Variants in BIN2 observed in about 807,000 individuals in gnomAD.
The protein encoded by BIN2 is breast cancer associated protein BRAP1.
Under a neutral mutation model 67.9 loss-of-function variants are expected in BIN2, and 43 were observed. The ratio of observed to expected loss-of-function variants is 0.63; its 90% CI spans 0.50 to 0.82. The LOEUF (loss-of-function observed/expected upper bound fraction) is 0.82, where lower values mean the gene tolerates loss of function less well. Among genes scored for constraint, BIN2 ranks in the 40% least tolerant of loss-of-function variants. The pLI, the probability that BIN2 is intolerant of heterozygous loss-of-function variation, is 0.00. For missense variants in BIN2, 581 were observed against 671.6 expected, an observed-to-expected ratio of 0.87 and a Z score of 1.49; for synonymous variants, 244 against 246.8, an observed-to-expected ratio of 0.99 and a Z score of 0.11.
chr12:51,287,076 C>T (rs763486447), intron 11 of BIN2, among the ~76,000 whole-genome samples: 1 of 152,048 alleles, frequency 6.6e-6, no homozygotes, highest in Non-Finnish European at 1.5e-5. Context: ...CCTGCCTCAG[C>T]CCCCAACAAA....
At chr12:51,282,757 C>T (rs568109153) in intron 12 of BIN2, among the ~76,000 whole-genome samples, 1 of 151,870 alleles carries the variant, frequency 6.6e-6, no homozygotes, top group Non-Finnish European at 1.5e-5. Context: ...GTGCGTGCCA[C>T]CATGCCCGGC....
chr12:51,293,319 AT>A (rs1204397864), intron 9 of BIN2, among the ~76,000 whole-genome samples: 7 of 150,588 alleles, frequency 4.6e-5, no homozygotes, highest in African/African-American at 7.3e-5. Flanking sequence ...TTATTTTTTT[AT>A]TTTTTTTGAG....
intron 1 of BIN2, among the ~76,000 whole-genome samples, chr12:51,315,522 T>C (rs1430132388): frequency 6.6e-6 from 1 of 152,188 alleles, no homozygotes; most frequent in African/African-American, 2.4e-5. Context: ...AAAAGCATTA[T>C]ATTAAAACAA....
intron 1 of BIN2, among the ~76,000 whole-genome samples, chr12:51,314,363 C>T (rs1946071739): frequency 6.6e-6 from 1 of 151,962 alleles, no homozygotes; most frequent in South Asian, 2.1e-4. Context: ...GGGCTGTACT[C>T]TTACTGGACC....
At chr12:51,300,580 A>C (rs979763000) in intron 5 of BIN2, among the ~76,000 whole-genome samples, 3 of 152,232 alleles carry the variant, frequency 2.0e-5, no homozygotes, top group Admixed American at 6.5e-5. Flanking sequence ...TAAAAGCTAT[A>C]AATTACTATG....
Position 51,282,839 on chromosome 12 carries a change from A to G in BIN2, c.1669-1311T>C, listed in dbSNP as rs146848326. Among the ~76,000 whole-genome samples, 1,242 of 151,978 alleles carry G rather than the reference A, an allele frequency of 8.2e-3. 33 individuals carry two copies. In the East Asian group the frequency reaches 0.1, roughly 12 times the overall value. On this transcript the variant is annotated intron_variant, in intron 12 of 12. Transcript: ENST00000615107. The stretch of plus-strand genomic sequence containing the variant: ...GGCTGGTCTTGAACTCCTGGTCTCA[A>G]GTGATCTGCCTGCCTCAGCCTCCCA...
intron 9 of BIN2, among the ~76,000 whole-genome samples, chr12:51,294,596 A>C (rs1336623295): frequency 5.9e-5 from 9 of 151,930 alleles, no homozygotes; most frequent in African/African-American, 2.2e-4. Flanking sequence ...AAAACCCCCC[A>C]AAAACATGCA....
In BIN2 at chr12:51,281,167, T is replaced by C. The variant is rs143620270; in HGVS notation, c.*332A>G. Reference sequence around the variant, plus strand: ...GAGTGTGTGTGGTTATGTCTCTGTATAGGCAAGTGTCTGTGTCTATAGATA... The same window carrying C: ...GAGTGTGTGTGGTTATGTCTCTGTACAGGCAAGTGTCTGTGTCTATAGATA... On this transcript the variant is annotated 3_prime_UTR_variant, in exon 13 of 13. Transcript: ENST00000615107. 1.3e-3 allele frequency: 416 copies of C among 316,196 alleles called. No homozygotes were observed. Among genetic ancestry groups the C allele is most frequent in the African/African-American group, 8.3e-3 (404 of 48,566 alleles). The allele number at this position is 316,196 out of a possible 1,614,324, so 19.6% of individuals were successfully genotyped here.
chr12:51,305,991 C>T (rs1945857910), intron 2 of BIN2, among the ~76,000 whole-genome samples: 2 of 151,694 alleles, frequency 1.3e-5, no homozygotes, highest in Admixed American at 1.3e-4. Flanking sequence ...TGTGTGCCAC[C>T]ACGCCTGGCT....
At chr12:51,293,370 C>A (rs1161020590) in intron 9 of BIN2, among the ~76,000 whole-genome samples, 1 of 152,082 alleles carries the variant, frequency 6.6e-6, no homozygotes, top group African/African-American at 2.4e-5. Flanking sequence ...AGTGCAGTGG[C>A]GCGATCTCGG....
At chr12:51,293,807 A>C (rs1405280488) in intron 9 of BIN2, among the ~76,000 whole-genome samples, 1 of 152,202 alleles carries the variant, frequency 6.6e-6, no homozygotes, top group African/African-American at 2.4e-5. Context: ...ATGAGCTTGT[A>C]AGAATGAATA....
At chr12:51,295,595 T>A (rs1344504936) in intron 9 of BIN2, among the ~76,000 whole-genome samples, 858 of 16,670 alleles carry the variant, frequency 0.051, 86 homozygotes, top group African/African-American at 0.1. Context: ...TATATATATA[T>A]ATATATATAT....
chr12:51,323,870 C>A (rs1254194287), intron 1 of BIN2, 152 bp downstream of exon 1: 16 of 965,072 alleles, frequency 1.7e-5, no homozygotes, highest in Non-Finnish European at 2.2e-5. Flanking sequence ...CCACTCCTCG[C>A]TCCCGTTTCC....
At chr12:51,295,577 A>AAAAAT (rs1945533462) in intron 9 of BIN2, among the ~76,000 whole-genome samples, 2 of 29,560 alleles carry the variant, frequency 6.8e-5, no homozygotes, top group East Asian at 1.1e-3. Flanking sequence ...AAAAAAAAAA[A>AAAAAT]ATATATATAT....
chr12:51,288,002 T>C, intron 11 of BIN2, 106 bp downstream of exon 11: 1 of 790,374 alleles, frequency 1.3e-6, no homozygotes, highest in Non-Finnish European at 2.0e-6. Context: ...TTCATGTGAA[T>C]CAAGACTGAA....
intron 9 of BIN2, among the ~76,000 whole-genome samples, chr12:51,295,392 C>CAAAAAAAAAA (rs1178848004): frequency 9.8e-5 from 9 of 91,732 alleles, no homozygotes; most frequent in East Asian, 2.8e-4. Flanking sequence ...ACTAAAAATA[C>CAAAAAAAAAA]AAAAAAAAAA....
intron 2 of BIN2, among the ~76,000 whole-genome samples, chr12:51,310,535 A>G (rs1945968422): frequency 6.6e-6 from 1 of 152,216 alleles, no homozygotes; most frequent in Non-Finnish European, 1.5e-5. Context: ...TTAGTGAAAT[A>G]TTTAATCTGA....
intron 10 of BIN2, 93 bp from the exon 11 acceptor site, chr12:51,288,281 A>G: frequency 1.0e-6 from 1 of 996,048 alleles, no homozygotes; most frequent in Non-Finnish European, 1.6e-6. Context: ...CTCCTCTCAG[A>G]TATCAGGAGG....
At chr12:51,293,274 A>T (rs897528474) in intron 9 of BIN2, among the ~76,000 whole-genome samples, 29 of 151,900 alleles carry the variant, frequency 1.9e-4, no homozygotes, top group African/African-American at 6.7e-4. Context: ...AGAATCTAGA[A>T]TATATCAGCC....
Sources: gnomAD v4.1 joint callset for allele counts (sites outside exome capture counted in the v4.1 genomes callset) on GRCh38, gnomAD v4.1.1 for gene constraint, MANE v1.5 for transcripts, NCBI Gene and HGNC (gene_info 2026-07-23, HGNC 2026-07-21) for gene names.